Variants in MYO16 observed in about 807,000 individuals in gnomAD.
MYO16 encodes the protein myosin XVI, also known as unconventional myosin-XVI.
Under a neutral mutation model 205.3 loss-of-function variants are expected in MYO16, and 94 were observed. The observed-to-expected ratio is 0.46, with a 90% CI of 0.39 to 0.54. The LOEUF (loss-of-function observed/expected upper bound fraction) is 0.54, where lower values mean the gene tolerates loss of function less well. Among genes scored for constraint, MYO16 ranks in the 20% least tolerant of loss-of-function variants. The pLI, the probability that MYO16 is intolerant of heterozygous loss-of-function variation, is 0.00. For missense variants in MYO16, 2,315 were observed against 2,387.5 expected (o/e 0.97, Z 0.63); for synonymous variants, 988 against 954.0 (o/e 1.04, Z -0.66).
chr13:108,792,020 T>C (rs1282967224), intron 5 of MYO16, among the ~76,000 whole-genome samples: 1 of 152,242 alleles, frequency 6.6e-6, no homozygotes, highest in East Asian at 1.9e-4. Context: ...TCACCATCAT[T>C]ATCATTTTTC....
At chr13:108,964,934 C>T in intron 20 of MYO16, 32 bp downstream of exon 20, 1 of 1,601,006 alleles carries the variant, frequency 6.2e-7, no homozygotes. Flanking sequence ...GTTCTGTTGT[C>T]ATTACTGTAA....
the MYO16 span, among the ~76,000 whole-genome samples, chr13:108,503,465 AG>A: frequency 3.9e-5 from 6 of 152,136 alleles, no homozygotes; most frequent in African/African-American, 1.4e-4. Flanking sequence ...TTTAAATAAA[AG>A]GTCAGAATCT....
rs556192018 is a variant in MYO16, at chr13:109,152,415, C to G, written c.5164+11039C>G. Among the ~76,000 whole-genome samples the G allele has an allele frequency of 4.6e-4, 70 of 152,282 alleles. 1 individual carries two copies. The highest frequency in any genetic ancestry group is 1.6e-3 in the African/African-American group (68 of 41,562). ...ACATGTCATTCCAGACAGTAAAACT[C>G]TAATCGTGAACATTAATTTCACTGA... On this transcript the variant is annotated intron_variant, in intron 32 of 34. Coordinates refer to ENST00000457511, the MANE Select transcript of MYO16 (RefSeq NM_001198950.3).
chr13:109,119,813 T>C (rs1166156966), intron 28 of MYO16, among the ~76,000 whole-genome samples: 1 of 152,228 alleles, frequency 6.6e-6, no homozygotes, highest in African/African-American at 2.4e-5. Flanking sequence ...AAAGATGACT[T>C]TCTCATCTTT....
intron 22 of MYO16, among the ~76,000 whole-genome samples, chr13:109,009,873 T>C (rs768432265): frequency 4.6e-5 from 7 of 152,202 alleles, no homozygotes; most frequent in Non-Finnish European, 8.8e-5. Flanking sequence ...CAGAAAGCCC[T>C]CGTAGTGACA....
intron 4 of MYO16, among the ~76,000 whole-genome samples, chr13:108,770,224 A>G (rs1195829368): frequency 6.6e-6 from 1 of 152,208 alleles, no homozygotes; most frequent in Non-Finnish European, 1.5e-5. Context: ...TGCTTACAGC[A>G]TGTCTCTGAA....
rs552756398 is a variant in MYO16, at chr13:108,726,854, A to G, written c.364-586A>G. Among the ~76,000 whole-genome samples the G allele has an allele frequency of 5.3e-5, 8 of 152,190 alleles. 1 individual carries two copies. The South Asian group carries it at 8.3e-4, about 16-fold the overall frequency. On this transcript the variant is annotated intron_variant, in intron 3 of 34. Transcript: ENST00000457511. Reference sequence around the variant, plus strand: ...TTATTGAACATATATAAAATGCAACATTATAAAATCATTAAAATTCATTTT... The same window carrying G: ...TTATTGAACATATATAAAATGCAACGTTATAAAATCATTAAAATTCATTTT...
chr13:108,823,346 TAA>T (rs1173950342), intron 9 of MYO16, 68 bp downstream of exon 9: 2 of 1,424,306 alleles, frequency 1.4e-6, no homozygotes, highest in African/African-American at 2.9e-5. Context: ...GAGCCCATAT[TAA>T]GTCTGACTCT....
chr13:108,925,062 A>G (rs1052206098), intron 16 of MYO16, among the ~76,000 whole-genome samples: 4 of 152,096 alleles, frequency 2.6e-5, no homozygotes, highest in Non-Finnish European at 5.9e-5. Flanking sequence ...AATTAAGTAC[A>G]CAGAGTCATT....
At chr13:109,067,121 C>T (rs897665919) in intron 27 of MYO16, among the ~76,000 whole-genome samples, 1 of 152,102 alleles carries the variant, frequency 6.6e-6, no homozygotes, top group Non-Finnish European at 1.5e-5. Flanking sequence ...CATGGGTCAC[C>T]GCTGTGTACC....
chr13:109,022,559 C>G (rs1348233249), intron 23 of MYO16, among the ~76,000 whole-genome samples: 4 of 123,360 alleles, frequency 3.2e-5, no homozygotes, highest in African/African-American at 1.2e-4. Context: ...TTTCTATATT[C>G]TACATACACA....
At chr13:108,801,066 TA>T (rs1384841366) in intron 6 of MYO16, among the ~76,000 whole-genome samples, 1 of 152,188 alleles carries the variant, frequency 6.6e-6, no homozygotes, top group Non-Finnish European at 1.5e-5. Context: ...GGGCAACAGG[TA>T]ATTTGCTGAG....
At chr13:109,035,431 C>A (rs1886687245) in intron 23 of MYO16, among the ~76,000 whole-genome samples, 1 of 152,108 alleles carries the variant, frequency 6.6e-6, no homozygotes, top group Non-Finnish European at 1.5e-5. Flanking sequence ...TTCCTGTAAT[C>A]CCAACACTTT....
At chr13:108,675,286 G>C (rs1053863786) in intron 2 of MYO16, among the ~76,000 whole-genome samples, 2 of 152,290 alleles carry the variant, frequency 1.3e-5, no homozygotes, top group East Asian at 1.9e-4. Flanking sequence ...CTAGCCCTCC[G>C]GGGCAGGTTA....
chr13:109,156,500 G>C (rs1878041621), intron 32 of MYO16, among the ~76,000 whole-genome samples: 1 of 152,162 alleles, frequency 6.6e-6, no homozygotes, highest in Admixed American at 6.5e-5. Context: ...TCAGTATTAA[G>C]TCAGCCAAAC....
intron 4 of MYO16, among the ~76,000 whole-genome samples, chr13:108,784,708 A>G (rs9521053): frequency 0.34 from 51,850 of 152,122 alleles, 10,049 homozygotes; most frequent in East Asian, 0.63. Flanking sequence ...AACACAGAAT[A>G]CTATTTTGTA....
intron 16 of MYO16, among the ~76,000 whole-genome samples, chr13:108,949,407 G>T (rs1313837761): frequency 6.6e-6 from 1 of 152,066 alleles, no homozygotes; most frequent in South Asian, 2.1e-4. Context: ...AACAGTGAAC[G>T]TGTGAAAACT....
intron 27 of MYO16, among the ~76,000 whole-genome samples, chr13:109,081,665 T>A (rs78023460): frequency 0.017 from 2,654 of 152,012 alleles, 72 homozygotes; most frequent in African/African-American, 0.061. Flanking sequence ...GGTAGTTGAG[T>A]TTAATATGAA....
chr13:109,111,833 C>T (rs377270594), intron 28 of MYO16, among the ~76,000 whole-genome samples: 82 of 151,662 alleles, frequency 5.4e-4, no homozygotes, highest in African/African-American at 1.9e-3. Context: ...ACTACAGGCA[C>T]GTGCCACCAC....
Sources: allele counts gnomAD v4.1 joint callset (sites outside exome capture counted in the v4.1 genomes callset), GRCh38; gene constraint gnomAD v4.1.1; transcripts MANE v1.5; gene names NCBI Gene and HGNC (gene_info 2026-07-23, HGNC 2026-07-21).